The following GPRC5C variants were observed in gnomAD, a reference collection of about 807,000 sequenced individuals.
The protein encoded by GPRC5C is G protein-coupled receptor class C group 5 member C, also known as G protein-coupled receptor family C group 5 member C.
Under a neutral mutation model 31.4 loss-of-function variants are expected in GPRC5C, and 22 were observed. The observed-to-expected ratio is 0.70, with a 90% CI of 0.50 to 1.00. GPRC5C has a LOEUF of 1.00. Among genes scored for constraint, GPRC5C ranks in the 50% least tolerant of loss-of-function variants. GPRC5C has a pLI of 0.00. For missense variants in GPRC5C, 557 were observed against 597.2 expected (o/e 0.93, Z 0.70); for synonymous variants, 249 against 257.5 (o/e 0.97, Z 0.32).
At chr17:74,445,514 A>G (rs1051274776) in intron 3 of GPRC5C, 2 of 152,698 alleles carry the variant, frequency 1.3e-5, no homozygotes, top group African/African-American at 4.8e-5. Context: ...GGGTCCAGCT[A>G]TGAGTTGGTG....
rs1214595879 is a variant in GPRC5C at position 74,444,528 on chromosome 17, G to C, written c.1146+616G>C. 7.2e-5 allele frequency among the ~76,000 whole-genome samples: 11 copies of C among 152,312 alleles called. No homozygotes were observed. In the East Asian group the frequency reaches 1.5e-3, roughly 21 times the overall value. On this transcript the variant is annotated intron_variant, in intron 3 of 3. Transcript: ENST00000392627. ...CCTCCTCCCGGCTGGCAGAGGCTGT[G>C]GGGAGAGGTCAGTGACCCGTCTTGG...
intron 1 of GPRC5C, among the ~76,000 whole-genome samples, chr17:74,436,815 G>T (rs1598427387): frequency 1.3e-5 from 2 of 152,320 alleles, no homozygotes; most frequent in Middle Eastern, 6.8e-3. Context: ...AGTTCTGGCT[G>T]GTTTGGCTGT....
At chr17:74,433,947 G>A (rs1220776530) in intron 1 of GPRC5C, among the ~76,000 whole-genome samples, 3 of 152,160 alleles carry the variant, frequency 2.0e-5, no homozygotes, top group Non-Finnish European at 2.9e-5. Context: ...GCCACTTGTT[G>A]CTGGGGGAAA....
chr17:74,440,927 A>AGGTTTTCTGT lies in GPRC5C; in HGVS notation c.1051+101_1051+110dup. On this transcript the variant is annotated intron_variant, in intron 2 of 3. Coordinates refer to ENST00000392627, the MANE Select transcript of GPRC5C (RefSeq NM_022036.4). The surrounding 1 kb of genome is among the most constrained non-coding windows in gnomAD (Gnocchi z 4.4). ...TCTTGAGCAAAATGGAAAGTTTTTG[A>AGGTTTTCTGT]GGTTTTCTGTAGTTTTCTGCCTAAG... is the stretch of plus-strand genomic sequence containing the variant. 1 of 1,124,464 alleles carries AGGTTTTCTGT rather than the reference A, an allele frequency of 8.9e-7. No homozygotes were observed. The highest frequency in any genetic ancestry group is 2.8e-5 in the East Asian group (1 of 35,690). The allele number at this position is 1,124,464 out of a possible 1,614,324, so 69.7% of individuals were successfully genotyped here.
intron 1 of GPRC5C, among the ~76,000 whole-genome samples, chr17:74,437,242 C>T: frequency 6.6e-6 from 1 of 152,138 alleles, no homozygotes; most frequent in Non-Finnish European, 1.5e-5. Flanking sequence ...TACTCCTTAC[C>T]TCTTAGCCCT....
intron 2 of GPRC5C, chr17:74,443,601 C>A: frequency 1.5e-6 from 1 of 684,866 alleles, no homozygotes; most frequent in Non-Finnish European, 2.7e-6. Flanking sequence ...TGTTCACTCC[C>A]ATGCATCTGT....
rs116537090 is a variant in GPRC5C at position 74,440,916 on chromosome 17, G to A, written c.1051+89G>A. On this transcript the variant is annotated intron_variant, in intron 2 of 3. Transcript: ENST00000392627. The surrounding 1 kb of genome is among the most constrained non-coding windows in gnomAD (Gnocchi z 4.4). The stretch of plus-strand genomic sequence containing the variant: ...GGGAGCCAGTCTCTTGAGCAAAATG[G>A]AAAGTTTTTGAGGTTTTCTGTAGTT... The A allele has an allele frequency of 0.019, 22,867 of 1,181,810 alleles. 397 individuals are homozygous for A. The highest frequency in any genetic ancestry group is 0.069 in the South Asian group (2,442 of 35,242). 73.2% of individuals were successfully genotyped at this position (1,181,810 alleles called of 1,614,324 possible). A position where few individuals can be genotyped will look rare whatever the true frequency, so the allele number is the denominator to read the frequency against.
chr17:74,446,964 C>G lies in GPRC5C; in HGVS notation c.1262C>G (p.Ala421Gly). ...ATGTACTCGGCCCAGAGCCACCAGG[C>G]GGCCACACCGCCGAAAGACGGCAAG... is the stretch of plus-strand genomic sequence containing the variant. Reference protein sequence around the residue: ...EDMYSAQSHQAATPPKDGKNS... With the variant: ...EDMYSAQSHQGATPPKDGKNS... The change falls in exon 4 of 4, where the codon GCG becomes GGG. Residue 421 changes from alanine to glycine, a missense_variant. By Grantham distance (60) the Ala-to-Gly change is moderately conservative (BLOSUM62 0). Coordinates refer to ENST00000392627, the MANE Select transcript of GPRC5C (RefSeq NM_022036.4). 1 of 1,614,140 alleles carries G rather than the reference C, an allele frequency of 6.2e-7. No individual in the cohort carries two copies. Among genetic ancestry groups the G allele is most frequent in the South Asian group, 1.1e-5 (1 of 91,084 alleles).
At position 74,433,789 on chromosome 17, in the gene GPRC5C, C is replaced by T. The variant is rs889586939; in HGVS notation, c.-33+1648C>T. 26 of 1,513,076 alleles carry T rather than the reference C, an allele frequency of 1.7e-5. No homozygotes were observed. The Admixed American group carries it at 2.5e-4, about 15-fold the overall frequency. 93.7% of individuals were successfully genotyped at this position (1,513,076 alleles called of 1,614,324 possible). A position where few individuals can be genotyped will look rare whatever the true frequency, so the allele number is the denominator to read the frequency against. ...GTTGAGTTTGGTTGGCCCTGTGACG[C>T]GCTGGAGCTCTCTTTCCAGTGCGGT... On this transcript the variant is annotated intron_variant, in intron 1 of 3. Transcript: ENST00000392627.
intron 1 of GPRC5C, among the ~76,000 whole-genome samples, chr17:74,434,343 AG>A (rs1392977483): frequency 6.6e-6 from 1 of 152,196 alleles, no homozygotes; most frequent in South Asian, 2.1e-4. Context: ...CTGGGTGTGG[AG>A]AAATGCACCT....
At chr17:74,448,858 C>G, downstream of GPRC5C, 1 of 1,289,632 alleles carries the variant, frequency 7.8e-7, no homozygotes, top group East Asian at 5.5e-5. Context: ...AGGCCAACAC[C>G]AACCAGGTTT....
At chr17:74,442,927 C>T (rs1178914550) in intron 2 of GPRC5C, 1 of 151,984 alleles carries the variant, frequency 6.6e-6, no homozygotes, top group Admixed American at 6.5e-5. Flanking sequence ...GAATGCCGGT[C>T]GGGGCCAAAT....
intron 1 of GPRC5C, chr17:74,432,402 A>G (rs28576020): frequency 0.049 from 61,086 of 1,257,392 alleles, 1,720 homozygotes; most frequent in Non-Finnish European, 0.054. Flanking sequence ...CCGCCATCCC[A>G]GCCAGGACCG....
chr17:74,434,839 C>G (rs893974571), intron 1 of GPRC5C, among the ~76,000 whole-genome samples: 1 of 151,762 alleles, frequency 6.6e-6, no homozygotes, highest in Non-Finnish European at 1.5e-5. Flanking sequence ...AGGAGAATTG[C>G]TTGAACCTGG....
chr17:74,445,611 A>G, intron 3 of GPRC5C: 1 of 152,434 alleles, frequency 6.6e-6, no homozygotes, highest in Non-Finnish European at 1.5e-5. Context: ...GACCACATGG[A>G]CAGGGGCCAT....
At chr17:74,447,684 G>A (rs749897611), downstream of GPRC5C, among the ~76,000 whole-genome samples, 1 of 152,200 alleles carries the variant, frequency 6.6e-6, no homozygotes, top group African/African-American at 2.4e-5. Flanking sequence ...ATGCAGTCCC[G>A]CACCTGGGCT....
chr17:74,440,883 G>T lies in GPRC5C; in HGVS notation c.1051+56G>T. On this transcript the variant is annotated intron_variant, in intron 2 of 3. Coordinates refer to ENST00000392627, the MANE Select transcript of GPRC5C (RefSeq NM_022036.4). This position sits in a 1 kb window ranked among gnomAD's most constrained non-coding sequence, Gnocchi z 4.4. ...CTTTCTCCATCCCATGTCTTTTACT[G>T]CAGGACAGGGAGCCAGTCTCTTGAG... The T allele has an allele frequency of 7.1e-7, 1 of 1,400,412 alleles. No homozygotes were observed. 86.7% of individuals were successfully genotyped at this position (1,400,412 alleles called of 1,614,324 possible). A position where few individuals can be genotyped will look rare whatever the true frequency, so the allele number is the denominator to read the frequency against.
chr17:74,437,397 A>G (rs749798250), intron 1 of GPRC5C, among the ~76,000 whole-genome samples: 5 of 152,178 alleles, frequency 3.3e-5, no homozygotes, highest in Non-Finnish European at 5.9e-5. Flanking sequence ...TAGGAAAACA[A>G]CAGTACATTT....
At chr17:74,432,689 G>C (rs187258034) in intron 1 of GPRC5C, among the ~76,000 whole-genome samples, 2 of 151,822 alleles carry the variant, frequency 1.3e-5, no homozygotes, top group South Asian at 4.2e-4. Flanking sequence ...GCTGGGGACT[G>C]GGGGGGTGGG....
Sources: allele counts gnomAD v4.1 joint callset (sites outside exome capture counted in the v4.1 genomes callset), GRCh38; gene constraint gnomAD v4.1.1; non-coding constraint Gnocchi (gnomAD v3.1); transcripts MANE v1.5; gene names NCBI Gene and HGNC (gene_info 2026-07-23, HGNC 2026-07-21).